RPS6KA1: variants seen among roughly 807,000 people sequenced by gnomAD.
RPS6KA1 encodes the protein ribosomal protein S6 kinase alpha-1.
In RPS6KA1, 48 loss-of-function variants were observed where a neutral mutation model predicts 91.3. That is an observed-to-expected ratio of 0.53 (90% confidence interval 0.42 to 0.67). RPS6KA1 has a LOEUF of 0.67. Ranked by LOEUF, RPS6KA1 falls within the 30% of genes least tolerant of loss-of-function variation. The pLI is 0.00. For missense variants in RPS6KA1, 719 were observed against 960.5 expected, an observed-to-expected ratio of 0.75 and a Z score of 3.32; for synonymous variants, 359 against 384.7, an observed-to-expected ratio of 0.93 and a Z score of 0.78.
intron 1 of RPS6KA1, among the ~76,000 whole-genome samples, chr1:26,533,343 G>A (rs1387305253): frequency 6.6e-6 from 1 of 152,088 alleles, no homozygotes; most frequent in Non-Finnish European, 1.5e-5. Flanking sequence ...AGGCCTCTTG[G>A]CCTCAGCCTC....
chr1:26,545,918 G>A (rs1192975336), intron 2 of RPS6KA1: 4 of 1,582,960 alleles, frequency 2.5e-6, no homozygotes, highest in Non-Finnish European at 3.4e-6. Flanking sequence ...AGGATCCCAA[G>A]CCGCCCCGTC....
chr1:26,573,521 G>C (rs2076268618), intron 21 of RPS6KA1, among the ~76,000 whole-genome samples, 160 bp downstream of exon 21: 1 of 152,190 alleles, frequency 6.6e-6, no homozygotes, highest in Non-Finnish European at 1.5e-5. Flanking sequence ...AGCCTAACAT[G>C]CTACAGTGTC....
chr1:26,569,821 C>T (rs183390255), intron 17 of RPS6KA1, among the ~76,000 whole-genome samples: 5 of 152,230 alleles, frequency 3.3e-5, no homozygotes, highest in East Asian at 3.9e-4. Context: ...TGATCGTTAC[C>T]GAAGGAGCCC....
At chr1:26,542,146 G>A (rs56263909) in intron 2 of RPS6KA1, among the ~76,000 whole-genome samples, 7 of 152,122 alleles carry the variant, frequency 4.6e-5, no homozygotes, top group South Asian at 2.1e-4. Flanking sequence ...ATCTCAGCCC[G>A]TATCTGGAGA....
rs1254066666 is a variant in RPS6KA1 at position 26,574,063 on chromosome 1, C to T, written c.2086-16C>T. On this transcript the variant is annotated splice_polypyrimidine_tract_variant and intron_variant, in intron 21 of 21. Coordinates refer to ENST00000374168, the MANE Select transcript of RPS6KA1 (RefSeq NM_002953.4). The surrounding 1 kb of genome is among the most constrained non-coding windows in gnomAD (Gnocchi z 4.3). ...TCTCCCACCATTGTGACCTGACCTC[C>T]CCACTTCTCTTTCAGGGAGCCATGG... is the stretch of plus-strand genomic sequence containing the variant. The T allele has an allele frequency of 1.9e-6, 3 of 1,613,272 alleles. No homozygotes were observed. The highest frequency in any genetic ancestry group is 1.3e-5 in the African/African-American group (1 of 74,928).
At chr1:26,539,338 C>G (rs570091273) in intron 2 of RPS6KA1, among the ~76,000 whole-genome samples, 1 of 152,164 alleles carries the variant, frequency 6.6e-6, no homozygotes, top group East Asian at 1.9e-4. Flanking sequence ...ATGTTCCCTG[C>G]GGAACTGGCA....
Position 26,551,560 on chromosome 1 carries a change from C to T in RPS6KA1, c.388+83C>T. ...GGTCTGTACACTGTCCCACCGCCTG[C>T]CTGGCAGGCCAAGGGAGCCAGGGCC... On this transcript the variant is annotated intron_variant, in intron 5 of 21. Transcript: ENST00000374168. This position sits in a 1 kb window ranked among gnomAD's most constrained non-coding sequence, Gnocchi z 4.5. 1.3e-6 allele frequency: 2 copies of T among 1,598,612 alleles called. No individual in the cohort carries two copies. Among genetic ancestry groups the T allele is most frequent in the Admixed American group, 1.7e-5 (1 of 60,012 alleles).
chr1:26,554,752 C>T lies in RPS6KA1; in HGVS notation c.756+14C>T, dbSNP rs201171922. On this transcript the variant is annotated intron_variant, in intron 9 of 21. Coordinates refer to ENST00000374168, the MANE Select transcript of RPS6KA1 (RefSeq NM_002953.4). This position sits in a 1 kb window ranked among gnomAD's most constrained non-coding sequence, Gnocchi z 4.6. ...GGGGTGTTGATGGTGAGTGCCCAGA[C>T]AGGGGTAAAGGATCCAGCCCAAGCC... is the stretch of plus-strand genomic sequence containing the variant. 1.1e-4 allele frequency: 169 copies of T among 1,590,970 alleles called. No individual in the cohort carries two copies. In the East Asian group the frequency reaches 3.4e-3, roughly 32 times the overall value.
chr1:26,536,098 G>A (rs1331406396), intron 1 of RPS6KA1, among the ~76,000 whole-genome samples: 1 of 147,984 alleles, frequency 6.8e-6, no homozygotes, highest in African/African-American at 2.5e-5. Flanking sequence ...AGGTTGCAGT[G>A]AGCTGCGATT....
chr1:26,560,512 G>T (rs1302074528), intron 14 of RPS6KA1, among the ~76,000 whole-genome samples: 1 of 152,234 alleles, frequency 6.6e-6, no homozygotes, highest in Non-Finnish European at 1.5e-5. Flanking sequence ...GTCCAGGCAG[G>T]CTGGGAGCCA....
At chr1:26,548,550 C>A (rs1342385572) in intron 4 of RPS6KA1, among the ~76,000 whole-genome samples, 2 of 152,114 alleles carry the variant, frequency 1.3e-5, no homozygotes, top group Non-Finnish European at 2.9e-5. Context: ...GTAATCCTAG[C>A]ACTTTGGAAA....
chr1:26,532,290 C>T (rs1218125311), intron 1 of RPS6KA1, among the ~76,000 whole-genome samples: 3 of 152,226 alleles, frequency 2.0e-5, no homozygotes, highest in Admixed American at 6.5e-5. Context: ...GCCACCCACT[C>T]TGCCTTACGA....
chr1:26,540,281 G>A lies in RPS6KA1; in HGVS notation c.108+3312G>A, dbSNP rs1054420984. Among the ~76,000 whole-genome samples, 6 of 152,196 alleles carry A rather than the reference G, an allele frequency of 3.9e-5. No individual in the cohort carries two copies. The highest frequency in any genetic ancestry group is 1.2e-4 in the African/African-American group (5 of 41,444). On this transcript the variant is annotated intron_variant, in intron 2 of 21. Coordinates refer to ENST00000374168, the MANE Select transcript of RPS6KA1 (RefSeq NM_002953.4). The surrounding 1 kb of genome is among the most constrained non-coding windows in gnomAD (Gnocchi z 4.2). ...TCATTTTACAGAGGAGGAAACCGAG[G>A]TTCAGACAGGGAAACAGATTTGCCC... is the stretch of plus-strand genomic sequence containing the variant.
Position 26,561,061 on chromosome 1 carries a change from A to T in RPS6KA1, c.1358A>T (p.Lys453Met). 6.2e-7 allele frequency: 1 copy of T among 1,613,966 alleles called. No homozygotes were observed. Among genetic ancestry groups the T allele is most frequent in the Non-Finnish European group, 8.5e-7 (1 of 1,180,010 alleles). ...EYAVKVIDKS[K>M]RDPSEEIEIL... is the part of the protein sequence containing the mutation. Reference sequence around the variant, plus strand: ...TTTCTTCAGGTCATTGATAAGAGCAAGCGGGATCCTTCAGAAGAGATTGAG... The same window carrying T: ...TTTCTTCAGGTCATTGATAAGAGCATGCGGGATCCTTCAGAAGAGATTGAG... Residue 453 changes from lysine (K) to methionine (M), a missense_variant, in exon 16 of 22, where the codon AAG (lysine) becomes ATG (methionine). Lys to Met is a moderately conservative substitution (Grantham distance 95). Coordinates refer to ENST00000374168, the MANE Select transcript of RPS6KA1 (RefSeq NM_002953.4). The surrounding 1 kb of genome is among the most constrained non-coding windows in gnomAD (Gnocchi z 5.7).
In RPS6KA1 at chr1:26,547,170, TC is replaced by T. The variant is rs369109942; in HGVS notation, c.226-17del. 9.6e-3 allele frequency: 15,549 copies of T among 1,613,634 alleles called. 102 individuals carry two copies. The highest frequency in any genetic ancestry group is 0.012 in the Non-Finnish European group (14,180 of 1,179,658). ...GACCTCTCCCATCTTCTGCCCTGCT[TC>T]CTGCTCTGCCTTCTCAGGTCTTCCT... is the stretch of plus-strand genomic sequence containing the variant. On this transcript the variant is annotated intron_variant, in intron 3 of 21. Coordinates refer to ENST00000374168, the MANE Select transcript of RPS6KA1 (RefSeq NM_002953.4). The surrounding 1 kb of genome is among the most constrained non-coding windows in gnomAD (Gnocchi z 4.1).
rs2076108507 is a variant in RPS6KA1 at position 26,557,057 on chromosome 1, C to T, written c.1041C>T (p.Asp347=). The T allele has an allele frequency of 1.9e-6, 3 of 1,614,142 alleles. No individual in the cohort carries two copies. Among genetic ancestry groups the T allele is most frequent in the East Asian group, 4.5e-5 (2 of 44,874 alleles). Residue 347 remains aspartate, a synonymous_variant, in exon 13 of 22, where the codon GAC becomes GAT. Transcript: ENST00000374168. ...AGCCAGCAGTGGCTCAGCCTGATGA[C>T]ACCTTCTACTTTGACACCGAGTTCA... ...PFKPAVAQPD[D]TFYFDTEFTS... is the part of the protein sequence containing the mutation.
rs978316926 is a variant in RPS6KA1 at position 26,551,876 on chromosome 1, G to A, written c.468+153G>A. Among the ~76,000 whole-genome samples, 2 of 152,150 alleles carry A rather than the reference G, an allele frequency of 1.3e-5. No individual in the cohort carries two copies. The highest frequency in any genetic ancestry group is 2.9e-5 in the Non-Finnish European group (2 of 68,026). On this transcript the variant is annotated intron_variant, in intron 6 of 21. Coordinates refer to ENST00000374168, the MANE Select transcript of RPS6KA1 (RefSeq NM_002953.4). This position sits in a 1 kb window ranked among gnomAD's most constrained non-coding sequence, Gnocchi z 4.5. Reference sequence around the variant, plus strand: ...CAGCCCCTGGCCCAGGAAATACCACGCACCCTGGAATGGAGGCCATACGCT... The same window carrying A: ...CAGCCCCTGGCCCAGGAAATACCACACACCCTGGAATGGAGGCCATACGCT...
intron 7 of RPS6KA1, chr1:26,553,811 A>C: frequency 7.9e-6 from 2 of 251,678 alleles, no homozygotes; most frequent in Admixed American, 5.3e-5. Flanking sequence ...ATATCTAACT[A>C]CCCTCAAATG....
chr1:26,545,630 C>G (rs1046938669), intron 2 of RPS6KA1, among the ~76,000 whole-genome samples: 1 of 152,172 alleles, frequency 6.6e-6, no homozygotes, highest in African/African-American at 2.4e-5. Flanking sequence ...GCTGCATTGG[C>G]AGGGGACTTT....
Sources: gnomAD v4.1 joint callset for allele counts (sites outside exome capture counted in the v4.1 genomes callset) on GRCh38, gnomAD v4.1.1 for gene constraint, Gnocchi (gnomAD v3.1) non-coding constraint, MANE v1.5 for transcripts, NCBI Gene and HGNC (gene_info 2026-07-23, HGNC 2026-07-21) for gene names.